The following DNAI7 variants were observed in gnomAD, a reference collection of about 807,000 sequenced individuals.
DNAI7 encodes the protein cancer susceptibility 1.
DNAI7 carries 78 observed loss-of-function variants against 86.6 expected under a neutral mutation model. That is an observed-to-expected ratio of 0.90 (90% confidence interval 0.75 to 1.09). The LOEUF (loss-of-function observed/expected upper bound fraction) is 1.09, where lower values mean the gene tolerates loss of function less well. Ranked by LOEUF, DNAI7 falls within the 50% of genes least tolerant of loss-of-function variation. The pLI is 0.00. For synonymous variants in DNAI7, 274 were observed against 273.0 expected (o/e 1.00, Z -0.04); for missense variants, 753 against 810.2 (o/e 0.93, Z 0.86).
chr12:25,112,279 A>G (rs556001154), intron 13 of DNAI7, among the ~76,000 whole-genome samples: 12 of 152,210 alleles, frequency 7.9e-5, no homozygotes, highest in African/African-American at 2.9e-4. Context: ...AATTATGATT[A>G]TACTTTTAGG....
chr12:25,119,425 AGATT>A (rs781358235), intron 11 of DNAI7, 124 bp from the exon 12 acceptor site: 2 of 540,080 alleles, frequency 3.7e-6, no homozygotes, highest in Admixed American at 3.5e-5. Flanking sequence ...ATTTATATAT[AGATT>A]AACAAAATGT....
At chr12:25,154,544 A>G in intron 5 of DNAI7, 88 bp from the exon 6 acceptor site, 1 of 1,300,312 alleles carries the variant, frequency 7.7e-7, no homozygotes. Context: ...AATTTTTATA[A>G]CCTAGTTTAA....
chr12:25,115,201 C>T (rs2140383176), intron 12 of DNAI7, among the ~76,000 whole-genome samples: 1 of 152,356 alleles, frequency 6.6e-6, no homozygotes, highest in South Asian at 2.1e-4. Flanking sequence ...GGCCTCAGCA[C>T]ATACAGTTCT....
At chr12:25,139,508 C>A (rs954251103) in intron 9 of DNAI7, among the ~76,000 whole-genome samples, 1 of 152,118 alleles carries the variant, frequency 6.6e-6, no homozygotes, top group African/African-American at 2.4e-5. Context: ...AAAGATAATT[C>A]ATGCAGCCAT....
At chr12:25,121,991 A>T (rs1941375123) in intron 10 of DNAI7, 78 bp from the exon 11 acceptor site, 2 of 1,004,040 alleles carry the variant, frequency 2.0e-6, no homozygotes, top group African/African-American at 3.3e-5. Flanking sequence ...AAAAATTCTC[A>T]TACTGGTAAA....
intron 2 of DNAI7, among the ~76,000 whole-genome samples, chr12:25,175,471 T>G (rs1284360633): frequency 6.6e-6 from 1 of 152,126 alleles, no homozygotes. Context: ...GGGATTCTCC[T>G]GCCTCAGCAG....
intron 2 of DNAI7, chr12:25,185,703 A>T: frequency 1.2e-6 from 1 of 853,826 alleles, no homozygotes; most frequent in Non-Finnish European, 1.4e-6. Context: ...AATACCATTT[A>T]TATTTTAGTG....
Position 25,108,573 on chromosome 12 carries a change from G to C in DNAI7, c.2144C>G (p.Ser715Cys). Residue 715 changes from serine to cysteine, a missense_variant, in exon 16 of 16, where the codon TCT becomes TGT. By Grantham distance (112) the Ser-to-Cys change is moderately radical (BLOSUM62 -1). Transcript: ENST00000395987. ...TTAGGAGTAGCTGAGCAATCTGGTA[G>C]AGAGCAGCATGTGGCACACAGAGTT... ...FVNSVCHMLL[S>C]TRLLSYS The C allele has an allele frequency of 6.2e-7, 1 of 1,613,676 alleles. No homozygotes were observed.
chr12:25,174,405 G>GATATATATAT (rs1565810577), intron 2 of DNAI7, among the ~76,000 whole-genome samples: 1 of 94 alleles, frequency 0.011, no homozygotes, highest in African/African-American at 0.029. Flanking sequence ...TCATATATAT[G>GATATATATAT]GGATATATGG....
intron 9 of DNAI7, among the ~76,000 whole-genome samples, chr12:25,134,337 G>C (rs11047851): frequency 7.4e-6 from 1 of 135,310 alleles, no homozygotes; most frequent in Non-Finnish European, 1.6e-5. Flanking sequence ...CATTATAATG[G>C]TTTTCCTTGG....
At chr12:25,178,101 G>A (rs1238771133) in intron 2 of DNAI7, among the ~76,000 whole-genome samples, 4 of 152,038 alleles carry the variant, frequency 2.6e-5, no homozygotes, top group African/African-American at 9.7e-5. Context: ...AATATCTTCA[G>A]ATTATCCATT....
chr12:25,158,740 A>G (rs1171533751), intron 3 of DNAI7, 177 bp from the exon 4 acceptor site: 1 of 1,434,372 alleles, frequency 7.0e-7, no homozygotes, highest in Non-Finnish European at 9.2e-7. Flanking sequence ...GACAGTAACT[A>G]CAAGAAAAAA....
At chr12:25,120,313 A>AGAGG (rs1555156491) in intron 11 of DNAI7, among the ~76,000 whole-genome samples, 4 of 91,028 alleles carry the variant, frequency 4.4e-5, no homozygotes, top group Non-Finnish European at 9.1e-5. Context: ...AGAGGCAGGA[A>AGAGG]GAGGGAGAGA....
intron 2 of DNAI7, among the ~76,000 whole-genome samples, chr12:25,164,869 C>A (rs1289847804): frequency 6.8e-6 from 1 of 146,202 alleles, no homozygotes; most frequent in Admixed American, 7.0e-5. Flanking sequence ...ACCCTATAAT[C>A]ATTTTATCAC....
intron 2 of DNAI7, among the ~76,000 whole-genome samples, chr12:25,161,777 T>C (rs572994030): frequency 1.3e-5 from 2 of 152,222 alleles, no homozygotes; most frequent in Admixed American, 1.3e-4. Flanking sequence ...TGAAAGAGCA[T>C]TGGATGGACA....
Position 25,146,992 on chromosome 12 carries a change from C to A in DNAI7, c.689+9G>T. 6.9e-7 allele frequency: 1 copy of A among 1,450,854 alleles called. No homozygotes were observed. The highest frequency in any genetic ancestry group is 9.7e-7 in the Non-Finnish European group (1 of 1,032,776). The allele number at this position is 1,450,854 out of a possible 1,614,324, so 89.9% of individuals were successfully genotyped here. ...CCACCTACAGGGAAAGTATTGCCCA[C>A]AAGGGTACCTTGGATTCTTCTTGAG... On this transcript the variant is annotated intron_variant, in intron 8 of 15. Transcript: ENST00000395987.
chr12:25,156,631 C>T (rs1299330187), intron 4 of DNAI7, among the ~76,000 whole-genome samples: 1 of 151,284 alleles, frequency 6.6e-6, no homozygotes, highest in Non-Finnish European at 1.5e-5. Flanking sequence ...ATCTCTGCTA[C>T]TCGGGAGGCT....
intron 12 of DNAI7, among the ~76,000 whole-genome samples, chr12:25,117,419 T>C (rs888270937): frequency 1.3e-5 from 2 of 152,196 alleles, no homozygotes; most frequent in Non-Finnish European, 2.9e-5. Flanking sequence ...AATAAGTAGA[T>C]TATGTAAAAG....
chr12:25,121,622 A>C (rs1941302127), intron 11 of DNAI7, 131 bp downstream of exon 11: 1 of 677,406 alleles, frequency 1.5e-6, no homozygotes, highest in Admixed American at 3.7e-5. Flanking sequence ...TACATTTAAG[A>C]CAGTTTAAAA....
Sources: gnomAD v4.1 joint callset for allele counts (sites outside exome capture counted in the v4.1 genomes callset) on GRCh38, gnomAD v4.1.1 for gene constraint, MANE v1.5 for transcripts, NCBI Gene and HGNC (gene_info 2026-07-23, HGNC 2026-07-21) for gene names.